Variants in MALRD1 observed in about 807,000 individuals in gnomAD.
MALRD1 encodes the protein MAM and LDL-receptor class A domain-containing protein 1.
Under a neutral mutation model 242.1 loss-of-function variants are expected in MALRD1, and 247 were observed. That is an observed-to-expected ratio of 1.02 (90% confidence interval 0.92 to 1.13). The LOEUF is 1.13. Among genes scored for constraint, MALRD1 ranks in the 50% most tolerant of loss-of-function variants. The probability of loss-of-function intolerance (pLI) is 0.00; values close to 1 mark genes in which losing one functional copy is unlikely to be tolerated. For missense variants in MALRD1, 2,989 were observed against 2,533.1 expected (o/e 1.18, Z -3.86); for synonymous variants, 995 against 866.6 (o/e 1.15, Z -2.60).
At chr10:19,117,765 T>C (rs1716158910) in intron 5 of MALRD1, among the ~76,000 whole-genome samples, 1 of 152,220 alleles carries the variant, frequency 6.6e-6, no homozygotes, top group South Asian at 2.1e-4. Flanking sequence ...ATAAATCATT[T>C]CCATAACCAA....
intron 32 of MALRD1, among the ~76,000 whole-genome samples, chr10:19,535,310 T>C (rs1402479587): frequency 6.6e-6 from 1 of 152,096 alleles, no homozygotes; most frequent in Non-Finnish European, 1.5e-5. Context: ...ATTAATTCTG[T>C]GAATGAATAA....
intron 35 of MALRD1, among the ~76,000 whole-genome samples, chr10:19,615,656 C>A (rs2131610230): frequency 6.6e-6 from 1 of 151,542 alleles, no homozygotes; most frequent in East Asian, 2.0e-4. Context: ...AGGGCATGAA[C>A]ACATTCAGGG....
chr10:19,686,669 G>A (rs1032259751), intron 36 of MALRD1, among the ~76,000 whole-genome samples: 10 of 152,142 alleles, frequency 6.6e-5, no homozygotes, highest in African/African-American at 1.9e-4. Context: ...GGCATTTCTG[G>A]TGGAGGGGTG....
At chr10:19,108,358 A>G (rs2131346187) in intron 5 of MALRD1, among the ~76,000 whole-genome samples, 1 of 146,930 alleles carries the variant, frequency 6.8e-6, no homozygotes, top group South Asian at 2.2e-4. Context: ...CTTTGTTCAA[A>G]TAATTATTGA....
chr10:19,118,818 C>G (rs900334679), intron 5 of MALRD1, among the ~76,000 whole-genome samples: 1 of 152,080 alleles, frequency 6.6e-6, no homozygotes, highest in African/African-American at 2.4e-5. Context: ...ATATATCCAG[C>G]TATAAATGCA....
chr10:19,316,493 A>G (rs1038235798), intron 21 of MALRD1, among the ~76,000 whole-genome samples: 4 of 151,842 alleles, frequency 2.6e-5, no homozygotes, highest in African/African-American at 9.7e-5. Flanking sequence ...TCATTAATTT[A>G]CATTCTAAAA....
chr10:19,623,802 C>T (rs1449302184), intron 36 of MALRD1, among the ~76,000 whole-genome samples: 1 of 151,882 alleles, frequency 6.6e-6, no homozygotes, highest in Non-Finnish European at 1.5e-5. Flanking sequence ...TCTTTTTTAC[C>T]CAGTCTACTG....
chr10:19,522,375 A>T (rs946018128), intron 31 of MALRD1, among the ~76,000 whole-genome samples: 4 of 152,102 alleles, frequency 2.6e-5, no homozygotes, highest in African/African-American at 7.2e-5. Flanking sequence ...CATTAGTGTG[A>T]GGTTTTTAAT....
At chr10:19,381,093 T>C (rs901479365) in intron 26 of MALRD1, among the ~76,000 whole-genome samples, 7 of 132,122 alleles carry the variant, frequency 5.3e-5, no homozygotes, top group Non-Finnish European at 7.8e-5. Flanking sequence ...CAGAGTGTGA[T>C]ATTCCCCTTC....
intron 8 of MALRD1, among the ~76,000 whole-genome samples, chr10:19,131,003 C>A (rs1002547224): frequency 6.6e-5 from 10 of 152,038 alleles, no homozygotes; most frequent in Non-Finnish European, 1.5e-5. Flanking sequence ...GGATGTACAT[C>A]TTAGAGATTG....
intron 21 of MALRD1, among the ~76,000 whole-genome samples, chr10:19,294,723 T>C (rs1841609154): frequency 6.6e-6 from 1 of 152,166 alleles, no homozygotes; most frequent in Non-Finnish European, 1.5e-5. Flanking sequence ...TTAACTAAAA[T>C]AATACAATGG....
intron 4 of MALRD1, among the ~76,000 whole-genome samples, chr10:19,101,739 C>A (rs1836266363): frequency 7.5e-6 from 1 of 134,124 alleles, no homozygotes; most frequent in African/African-American, 2.7e-5. Flanking sequence ...TACATTATAT[C>A]ACATATATAA....
intron 29 of MALRD1, among the ~76,000 whole-genome samples, chr10:19,458,411 T>C (rs1037198341): frequency 6.6e-6 from 1 of 152,186 alleles, no homozygotes; most frequent in African/African-American, 2.4e-5. Flanking sequence ...TAACTATATA[T>C]CATATATGGA....
intron 11 of MALRD1, among the ~76,000 whole-genome samples, chr10:19,150,619 A>G (rs1424559006): frequency 6.6e-6 from 1 of 152,128 alleles, no homozygotes; most frequent in Non-Finnish European, 1.5e-5. Context: ...TACAGGACTT[A>G]ACTCATTTGT....
rs796317894 is a variant in MALRD1 at position 19,237,939 on chromosome 10, C to A, written c.2992-19745C>A. Among the ~76,000 whole-genome samples the A allele has an allele frequency of 1.5e-4, 2 of 13,060 alleles. 1 individual carries two copies. Among genetic ancestry groups the A allele is most frequent in the African/African-American group, 7.0e-4 (2 of 2,838 alleles). The allele number at this position is 13,060 out of a possible 152,430, so 8.6% of individuals were successfully genotyped here. A position where few individuals can be genotyped will look rare whatever the true frequency, so the allele number is the denominator to read the frequency against. On this transcript the variant is annotated intron_variant, in intron 18 of 39. Transcript: ENST00000454679. Reference sequence around the variant, plus strand: ...ATATATAATTATATGTAATTTTATACAGTTATATAAATTATATGTAATTTT... The same window carrying A: ...ATATATAATTATATGTAATTTTATAAAGTTATATAAATTATATGTAATTTT...
intron 28 of MALRD1, among the ~76,000 whole-genome samples, chr10:19,407,349 G>A (rs1833072851): frequency 6.6e-6 from 1 of 152,128 alleles, no homozygotes; most frequent in Non-Finnish European, 1.5e-5. Flanking sequence ...AGATGTGGTG[G>A]TGTGCACCTG....
intron 38 of MALRD1, among the ~76,000 whole-genome samples, chr10:19,712,594 C>T (rs145018367): frequency 2.0e-5 from 3 of 152,108 alleles, no homozygotes; most frequent in Admixed American, 6.5e-5. Context: ...TAAGGGAAAT[C>T]ATGAAAGCTG....
chr10:19,055,723 G>A (rs1396731102), intron 1 of MALRD1, among the ~76,000 whole-genome samples: 1 of 152,098 alleles, frequency 6.6e-6, no homozygotes, highest in Non-Finnish European at 1.5e-5. Context: ...TCAATGTGTG[G>A]GTTGATAGAC....
chr10:19,166,220 T>C (rs1834679893), intron 13 of MALRD1, among the ~76,000 whole-genome samples: 1 of 152,216 alleles, frequency 6.6e-6, no homozygotes, highest in African/African-American at 2.4e-5. Flanking sequence ...ACGTGGGCTG[T>C]AATATTTTAA....
Sources: allele counts gnomAD v4.1 joint callset (sites outside exome capture counted in the v4.1 genomes callset), GRCh38; gene constraint gnomAD v4.1.1; transcripts MANE v1.5; gene names NCBI Gene and HGNC (gene_info 2026-07-23, HGNC 2026-07-21).